Variants in MPHOSPH6 observed in about 807,000 individuals in gnomAD.
MPHOSPH6 encodes the protein M-phase phosphoprotein 6.
MPHOSPH6 carries 25 observed loss-of-function variants against 21.8 expected under a neutral mutation model. The ratio of observed to expected loss-of-function variants is 1.15; its 90% CI spans 0.83 to 1.60. The LOEUF is 1.60. Among genes scored for constraint, MPHOSPH6 ranks in the 40% most tolerant of loss-of-function variants. The probability of loss-of-function intolerance (pLI) is 0.00; values close to 1 mark genes in which losing one functional copy is unlikely to be tolerated. For missense variants in MPHOSPH6, 269 were observed against 181.8 expected, an observed-to-expected ratio of 1.48 and a Z score of -2.76; for synonymous variants, 84 against 56.5, an observed-to-expected ratio of 1.49 and a Z score of -2.18.
At position 82,170,189 on chromosome 16, in the gene MPHOSPH6, C is replaced by A; in HGVS notation, c.-14G>T. 1 of 1,574,458 alleles carries A rather than the reference C, an allele frequency of 6.4e-7. No homozygotes were observed. The highest frequency in any genetic ancestry group is 1.1e-5 in the South Asian group (1 of 87,118). ...CTCGGCCGCCATGGTAGCTTCCGCC[C>A]AGCGCCGCACTCCGGCCGCGAGCCT... is the stretch of plus-strand genomic sequence containing the variant. On this transcript the variant is annotated 5_prime_UTR_variant, in exon 1 of 5. Coordinates refer to ENST00000258169, the MANE Select transcript of MPHOSPH6 (RefSeq NM_005792.2).
chr16:82,154,023 T>C (rs535300885), intron 2 of MPHOSPH6, among the ~76,000 whole-genome samples: 20 of 152,300 alleles, frequency 1.3e-4, no homozygotes, highest in Middle Eastern at 3.4e-3. Flanking sequence ...TTTACTCATA[T>C]ACCAGCAAGG....
At chr16:82,149,246 C>T in intron 4 of MPHOSPH6, 63 bp downstream of exon 4, 2 of 1,513,632 alleles carry the variant, frequency 1.3e-6, no homozygotes, top group Non-Finnish European at 1.8e-6. Flanking sequence ...GTAAGAGGAG[C>T]ATTCCTGGGA....
intron 1 of MPHOSPH6, among the ~76,000 whole-genome samples, chr16:82,165,114 C>CTT (rs1418457856): frequency 0.019 from 1,199 of 63,828 alleles, 299 homozygotes; most frequent in African/African-American, 0.067. Context: ...TCCGATATTT[C>CTT]TTTTTTATTT....
intron 1 of MPHOSPH6, among the ~76,000 whole-genome samples, chr16:82,168,556 G>T (rs1416292203): frequency 6.7e-6 from 1 of 148,728 alleles, no homozygotes; most frequent in African/African-American, 2.5e-5. Context: ...CTGCAGCCTT[G>T]ATCTCCCAAG....
At chr16:82,153,175 T>A (rs748579319) in intron 2 of MPHOSPH6, among the ~76,000 whole-genome samples, 15 of 152,032 alleles carry the variant, frequency 9.9e-5, no homozygotes, top group African/African-American at 1.4e-4. Context: ...GAGGTTACAG[T>A]CTATAGAAAG....
At chr16:82,166,991 C>T (rs992687716) in intron 1 of MPHOSPH6, among the ~76,000 whole-genome samples, 1 of 152,196 alleles carries the variant, frequency 6.6e-6, no homozygotes, top group African/African-American at 2.4e-5. Flanking sequence ...TCAGAGCAGG[C>T]ATCAGCATAA....
chr16:82,170,086 C>T (rs1234909889), intron 1 of MPHOSPH6, 39 bp downstream of exon 1: 3 of 1,570,890 alleles, frequency 1.9e-6, no homozygotes, highest in Admixed American at 1.8e-5. Context: ...GGACCGGGTG[C>T]CCCTACCGCC....
At chr16:82,155,202 A>G (rs1190416247) in intron 2 of MPHOSPH6, among the ~76,000 whole-genome samples, 2 of 152,208 alleles carry the variant, frequency 1.3e-5, no homozygotes, top group African/African-American at 4.8e-5. Flanking sequence ...ACCACTGATC[A>G]GGGGCATTGA....
At chr16:82,167,192 A>G (rs1353795943) in intron 1 of MPHOSPH6, among the ~76,000 whole-genome samples, 1 of 152,236 alleles carries the variant, frequency 6.6e-6, no homozygotes, top group Non-Finnish European at 1.5e-5. Context: ...AGAGTCTAAC[A>G]GTGCCAAAAT....
At chr16:82,167,979 G>C (rs1465059230) in intron 1 of MPHOSPH6, among the ~76,000 whole-genome samples, 1 of 152,148 alleles carries the variant, frequency 6.6e-6, no homozygotes, top group South Asian at 2.1e-4. Context: ...TGTTCTATCA[G>C]TATAGACAGT....
chr16:82,170,092 C>A (rs530623567), intron 1 of MPHOSPH6, 33 bp downstream of exon 1: 2 of 1,577,848 alleles, frequency 1.3e-6, no homozygotes, highest in African/African-American at 1.4e-5. Flanking sequence ...GGTGCCCCTA[C>A]CGCCCGGAGT....
intron 2 of MPHOSPH6, chr16:82,163,784 T>C (rs745646640): frequency 1.5e-4 from 39 of 254,408 alleles, no homozygotes; most frequent in South Asian, 6.5e-4. Context: ...CTTAAGGTGA[T>C]AGAGAGAACA....
In MPHOSPH6 at chr16:82,151,501, C is replaced by G. The variant is rs1472451183; in HGVS notation, c.178G>C (p.Glu60Gln). 1.9e-6 allele frequency: 3 copies of G among 1,588,496 alleles called. No homozygotes were observed. In the East Asian group the frequency reaches 6.7e-5, roughly 36 times the overall value. ...ELKEKESFIIEEQSFLLCEDL... is the reference protein window; with the variant it reads ...ELKEKESFIIQEQSFLLCEDL... Reference sequence around the variant, plus strand: ...TCACATAGTAAGAAACTCTGCTCTTCTATTATGAAACTCCTAAATGGGAAA... The same window carrying G: ...TCACATAGTAAGAAACTCTGCTCTTGTATTATGAAACTCCTAAATGGGAAA... The change falls in exon 3 of 5, where the codon GAA becomes CAA. Residue 60 changes from glutamate (E) to glutamine (Q), a missense_variant. Coordinates refer to ENST00000258169, the MANE Select transcript of MPHOSPH6 (RefSeq NM_005792.2).
At chr16:82,158,354 C>T (rs796601745) in intron 2 of MPHOSPH6, among the ~76,000 whole-genome samples, 1 of 149,912 alleles carries the variant, frequency 6.7e-6, no homozygotes, top group Non-Finnish European at 1.5e-5. Flanking sequence ...AAAAAATTGG[C>T]TGGGCATAGC....
chr16:82,160,164 T>A (rs1026441780), intron 2 of MPHOSPH6, among the ~76,000 whole-genome samples: 2 of 152,218 alleles, frequency 1.3e-5, no homozygotes, highest in African/African-American at 4.8e-5. Context: ...GTTTTGTATC[T>A]ACATGCATGG....
chr16:82,168,428 C>G (rs920098862), intron 1 of MPHOSPH6, among the ~76,000 whole-genome samples: 1 of 151,754 alleles, frequency 6.6e-6, no homozygotes, highest in Non-Finnish European at 1.5e-5. Context: ...TCCATCCTAG[C>G]TCAACTCCAT....
chr16:82,163,531 C>A (rs1233723139), intron 2 of MPHOSPH6, among the ~76,000 whole-genome samples: 1 of 152,192 alleles, frequency 6.6e-6, no homozygotes, highest in African/African-American at 2.4e-5. Flanking sequence ...GTGACAGAAT[C>A]ATAGGAGGCA....
At chr16:82,149,528 G>T in intron 3 of MPHOSPH6, 125 bp from the exon 4 acceptor site, 1 of 783,600 alleles carries the variant, frequency 1.3e-6, no homozygotes. Context: ...AAATTGATAA[G>T]GGACTCTCTG....
intron 2 of MPHOSPH6, chr16:82,162,156 AGG>A (rs1461960639): frequency 6.6e-6 from 1 of 152,240 alleles, no homozygotes; most frequent in African/African-American, 2.4e-5. Flanking sequence ...TGTACTGGAC[AGG>A]TACTATCATC....
Sources: gnomAD v4.1 joint callset for allele counts (sites outside exome capture counted in the v4.1 genomes callset) on GRCh38, gnomAD v4.1.1 for gene constraint, MANE v1.5 for transcripts, NCBI Gene and HGNC (gene_info 2026-07-23, HGNC 2026-07-21) for gene names.